Variants in ANKRD42 observed in about 807,000 individuals in gnomAD.
ANKRD42 encodes the protein ankyrin repeat domain 42.
ANKRD42 carries 43 observed loss-of-function variants against 51.5 expected under a neutral mutation model. The ratio of observed to expected loss-of-function variants is 0.83; its 90% confidence interval spans 0.65 to 1.08. The LOEUF is 1.08. Among genes scored for constraint, ANKRD42 ranks in the 50% least tolerant of loss-of-function variants. The pLI is 0.00. For synonymous variants in ANKRD42, 203 were observed against 213.0 expected (o/e 0.95, Z 0.41); for missense variants, 608 against 629.3 (o/e 0.97, Z 0.36).
intron 2 of ANKRD42, among the ~76,000 whole-genome samples, chr11:83,200,459 A>G (rs188405791): frequency 6.6e-6 from 1 of 152,342 alleles, no homozygotes; most frequent in Admixed American, 6.5e-5. Flanking sequence ...TAAAACTGTT[A>G]TATTTTTCCC....
chr11:83,245,597 A>G lies in ANKRD42; in HGVS notation c.1295A>G (p.Gln432Arg). Residue 432 changes from glutamine (Q) to arginine (R), a missense_variant, in exon 10 of 11, where the codon CAG (glutamine) becomes CGG (arginine). By Grantham distance (43) the Gln-to-Arg change is conservative. Transcript: ENST00000533342. ...GGCATAACAGAAGAAGATTTAAAGCAGAAGAAAGAACAGCTTGAGTCTGAA... is the reference window on the plus strand; with the variant it reads ...GGCATAACAGAAGAAGATTTAAAGCGGAAGAAAGAACAGCTTGAGTCTGAA... ...LGGITEEDLKQKKEQLESEKT... is the reference protein window; with the variant it reads ...LGGITEEDLKRKKEQLESEKT... 2 of 1,536,564 alleles carry G rather than the reference A, an allele frequency of 1.3e-6. No homozygotes were observed. Among genetic ancestry groups the G allele is most frequent in the Non-Finnish European group, 1.7e-6 (2 of 1,146,968 alleles).
At chr11:83,220,020 C>T (rs7943289) in intron 5 of ANKRD42, among the ~76,000 whole-genome samples, 5,648 of 152,222 alleles carry the variant, frequency 0.037, 343 homozygotes, top group African/African-American at 0.13. Flanking sequence ...GAAGTCTAGC[C>T]GGCAGACATT....
At chr11:83,225,821 G>A (rs1862864749) in intron 6 of ANKRD42, among the ~76,000 whole-genome samples, 1 of 146,518 alleles carries the variant, frequency 6.8e-6, no homozygotes, top group African/African-American at 2.5e-5. Context: ...AAAATATAGA[G>A]TTGAAGCCCT....
At chr11:83,198,035 A>G (rs1861725727) in intron 1 of ANKRD42, among the ~76,000 whole-genome samples, 1 of 152,222 alleles carries the variant, frequency 6.6e-6, no homozygotes, top group African/African-American at 2.4e-5. Context: ...ATGAAAGTGT[A>G]GTGGCTCCCT....
intron 3 of ANKRD42, among the ~76,000 whole-genome samples, chr11:83,208,215 G>A (rs1182144326): frequency 6.6e-6 from 1 of 151,654 alleles, no homozygotes; most frequent in Non-Finnish European, 1.5e-5. Context: ...ATGTCTGTGG[G>A]AGGGGGGGGT....
intron 7 of ANKRD42, among the ~76,000 whole-genome samples, chr11:83,235,374 AT>A (rs1863193528): frequency 6.6e-6 from 1 of 152,238 alleles, no homozygotes; most frequent in South Asian, 2.1e-4. Flanking sequence ...TTTAATACTT[AT>A]TGCAGTTTTA....
intron 2 of ANKRD42, among the ~76,000 whole-genome samples, chr11:83,199,942 G>C (rs1035991870): frequency 2.6e-5 from 4 of 152,096 alleles, no homozygotes; most frequent in African/African-American, 9.7e-5. Flanking sequence ...TTGTGAGCTG[G>C]TATCCGTGGG....
intron 5 of ANKRD42, chr11:83,213,694 A>G (rs1197627643): frequency 1.0e-5 from 4 of 391,452 alleles, no homozygotes; most frequent in Non-Finnish European, 1.5e-5. Context: ...GTGATGTACT[A>G]GTTCAAATCT....
At chr11:83,246,596 G>T (rs1863549608) in intron 10 of ANKRD42, among the ~76,000 whole-genome samples, 1 of 152,132 alleles carries the variant, frequency 6.6e-6, no homozygotes, top group African/African-American at 2.4e-5. Flanking sequence ...ATCAAACATG[G>T]GTCCAGAAAG....
intron 10 of ANKRD42, among the ~76,000 whole-genome samples, chr11:83,247,039 C>T (rs928614262): frequency 6.6e-6 from 1 of 151,774 alleles, no homozygotes; most frequent in African/African-American, 2.4e-5. Context: ...AAATCAGGAG[C>T]TTTCTTGGTA....
intron 9 of ANKRD42, among the ~76,000 whole-genome samples, chr11:83,241,908 C>T (rs945622995): frequency 1.3e-5 from 2 of 152,032 alleles, no homozygotes; most frequent in Non-Finnish European, 2.9e-5. Context: ...AGAACATACT[C>T]CATCTAACAA....
At chr11:83,223,021 C>T (rs1020467397) in intron 5 of ANKRD42, among the ~76,000 whole-genome samples, 3 of 152,032 alleles carry the variant, frequency 2.0e-5, no homozygotes, top group African/African-American at 4.8e-5. Flanking sequence ...AGGCCAAGGG[C>T]GGGTGCATTG....
intron 2 of ANKRD42, among the ~76,000 whole-genome samples, chr11:83,199,311 G>A (rs1164356655): frequency 6.6e-6 from 1 of 151,850 alleles, no homozygotes; most frequent in Non-Finnish European, 1.5e-5. Context: ...TCCTATCTAT[G>A]TTTTATGCTG....
chr11:83,257,801 C>T (rs911153535), downstream of ANKRD42, among the ~76,000 whole-genome samples: 14 of 152,174 alleles, frequency 9.2e-5, no homozygotes, highest in African/African-American at 3.4e-4. Context: ...GTAGAAAACA[C>T]CAGAATAGTG....
intron 8 of ANKRD42, among the ~76,000 whole-genome samples, chr11:83,239,525 G>A (rs1393022675): frequency 6.6e-6 from 1 of 152,134 alleles, no homozygotes; most frequent in African/African-American, 2.4e-5. Context: ...GTTAGTGTTA[G>A]CTTTTATATT....
intron 2 of ANKRD42, among the ~76,000 whole-genome samples, chr11:83,204,584 CA>C (rs1565176882): frequency 6.6e-6 from 1 of 151,850 alleles, no homozygotes; most frequent in Non-Finnish European, 1.5e-5. Flanking sequence ...CAGCATCATG[CA>C]GCATATCCAT....
chr11:83,221,426 T>G (rs964858825), intron 5 of ANKRD42, among the ~76,000 whole-genome samples: 5 of 152,240 alleles, frequency 3.3e-5, no homozygotes, highest in African/African-American at 1.2e-4. Context: ...TTTGTTTCCC[T>G]GTTTGCTATG....
chr11:83,259,756 CTTG>C (rs1863847961), downstream of ANKRD42: 1 of 152,210 alleles, frequency 6.6e-6, no homozygotes. Context: ...TGATGAACTC[CTTG>C]GCTCAAGCAA....
rs753036830 is a variant in ANKRD42 at position 83,227,815 on chromosome 11, G to T, written c.856G>T (p.Asp286Tyr). 41 of 1,613,442 alleles carry T rather than the reference G, an allele frequency of 2.5e-5. No homozygotes were observed. ...GGGGATGCTTAAGAAATTAGTGGAA[G>T]ATGGAGTAATCAATATTAATGAGCG... ...DLGMLKKLVEDGVININERAD... is the reference protein window; with the variant it reads ...DLGMLKKLVEYGVININERAD... The change falls in exon 7 of 11, where the codon GAT becomes TAT. Residue 286 changes from aspartate to tyrosine, a missense_variant. Asp to Tyr is a radical substitution (Grantham distance 160, BLOSUM62 -3). Transcript: ENST00000533342.
Sources: gnomAD v4.1 joint callset for allele counts (sites outside exome capture counted in the v4.1 genomes callset) on GRCh38, gnomAD v4.1.1 for gene constraint, MANE v1.5 for transcripts, NCBI Gene and HGNC (gene_info 2026-07-23, HGNC 2026-07-21) for gene names.